Variants in MYBL2 observed in about 807,000 individuals in gnomAD.
The protein encoded by MYBL2 is myb-related protein B.
A neutral mutation model predicts 79.9 loss-of-function variants in MYBL2; 28 were observed. The observed-to-expected ratio is 0.35, with a 90% confidence interval of 0.26 to 0.48. The LOEUF (loss-of-function observed/expected upper bound fraction) is 0.48, where lower values mean the gene tolerates loss of function less well. Among genes scored for constraint, MYBL2 ranks in the 20% least tolerant of loss-of-function variants. The pLI, the probability that MYBL2 is intolerant of heterozygous loss-of-function variation, is 0.99. For missense variants in MYBL2, 735 were observed against 893.9 expected, an observed-to-expected ratio of 0.82 and a Z score of 2.27; for synonymous variants, 378 against 361.2, an observed-to-expected ratio of 1.05 and a Z score of -0.53.
At chr20:43,680,667 G>A (rs1369149326) in intron 2 of MYBL2, among the ~76,000 whole-genome samples, 1 of 151,708 alleles carries the variant, frequency 6.6e-6, no homozygotes, top group Non-Finnish European at 1.5e-5. Flanking sequence ...GCTAATTTTT[G>A]TATTTTTAAT....
In MYBL2 at chr20:43,707,768, TC is replaced by T. The variant is rs142681731; in HGVS notation, c.1506-2188del. ...GTGGTGTGGTATTTCTCTATTTTTT[TC>T]CCCCCCGGCTTTCATATCAGACTAA... On this transcript the variant is annotated intron_variant, in intron 9 of 13. Coordinates refer to ENST00000217026, the MANE Select transcript of MYBL2 (RefSeq NM_002466.4). 8.2e-3 allele frequency among the ~76,000 whole-genome samples: 1,242 copies of T among 151,930 alleles called. 16 individuals are homozygous for T. Among genetic ancestry groups the T allele is most frequent in the African/African-American group, 0.028 (1,157 of 41,404 alleles).
At chr20:43,684,752 G>C (rs73624571) in intron 4 of MYBL2, among the ~76,000 whole-genome samples, 4,563 of 151,154 alleles carry the variant, frequency 0.03, 95 homozygotes, top group Middle Eastern at 0.099. Flanking sequence ...TGGGAGGATT[G>C]CTTGAGCCCA....
intron 2 of MYBL2, among the ~76,000 whole-genome samples, chr20:43,674,197 G>C (rs1286260019): frequency 7.1e-6 from 1 of 139,952 alleles, no homozygotes; most frequent in Non-Finnish European, 1.5e-5. Context: ...CCTTTTGACT[G>C]CTAGGAGGTT....
chr20:43,692,654 C>T (rs948132915), intron 6 of MYBL2, among the ~76,000 whole-genome samples: 1 of 152,150 alleles, frequency 6.6e-6, no homozygotes, highest in Non-Finnish European at 1.5e-5. Context: ...TCAGAGGTGG[C>T]TGGGTGCGTT....
Position 43,692,255 on chromosome 20 carries a change from T to C in MYBL2, c.599T>C (p.Val200Ala), listed in dbSNP as rs759655424. 1.9e-6 allele frequency: 3 copies of C among 1,614,024 alleles called. No homozygotes were observed. Among genetic ancestry groups the C allele is most frequent in the Non-Finnish European group, 2.5e-6 (3 of 1,180,022 alleles). The change falls in exon 6 of 14, where the codon GTG (valine) becomes GCG (alanine). Residue 200 changes from valine (V) to alanine (A), a missense_variant. Around this residue, in one of 5 missense-constraint regions of MYBL2, gnomAD observed 144 missense variants for 131.9 expected, o/e 1.09. Coordinates refer to ENST00000217026, the MANE Select transcript of MYBL2 (RefSeq NM_002466.4). ...LSESKDCKPP[V>A]YLLLELEDKD... ...GAGTCCAAAGACTGCAAGCCCCCAG[T>C]GTACTTGCTGCTGGAGCTCGAGGAC...
At chr20:43,705,815 C>T (rs6031046) in intron 9 of MYBL2, among the ~76,000 whole-genome samples, 7 of 152,156 alleles carry the variant, frequency 4.6e-5, no homozygotes, top group Non-Finnish European at 5.9e-5. Flanking sequence ...ATTCTCCTGC[C>T]TCAGCCTCCC....
At chr20:43,679,142 G>C (rs1211072793) in intron 2 of MYBL2, among the ~76,000 whole-genome samples, 1 of 152,118 alleles carries the variant, frequency 6.6e-6, no homozygotes, top group East Asian at 1.9e-4. Flanking sequence ...GGCAGGGAGG[G>C]GACATGGTAT....
chr20:43,715,575 C>T (rs1349069907), intron 13 of MYBL2, among the ~76,000 whole-genome samples: 1 of 152,138 alleles, frequency 6.6e-6, no homozygotes, highest in Admixed American at 6.5e-5. Flanking sequence ...GCCTGGGTTT[C>T]ACTTGTAACT....
Position 43,676,047 on chromosome 20 carries a change from G to A in MYBL2, c.114+2148G>A, listed in dbSNP as rs189200975. 3.8e-3 allele frequency among the ~76,000 whole-genome samples: 575 copies of A among 151,940 alleles called. 4 individuals are homozygous for A. Among genetic ancestry groups the A allele is most frequent in the South Asian group, 0.011 (53 of 4,792 alleles). On this transcript the variant is annotated intron_variant, in intron 2 of 13. Transcript: ENST00000217026. ...AGCCTCTCAAGTAGCTGGGATTACA[G>A]GCACGTGCCACCACGCCTGGTAAAT...
Position 43,711,528 on chromosome 20 carries a change from T to A in MYBL2, c.1646T>A (p.Leu549Gln), listed in dbSNP as rs1191185246. 2.5e-6 allele frequency: 4 copies of A among 1,613,662 alleles called. No homozygotes were observed. The Admixed American group carries it at 6.7e-5, about 27-fold the overall frequency. ...CTGGAGGAGGACTTGAAGGAGGTGC[T>A]GCGTTCTGAGGCTGGCATCGAACTC... ...PHLEEDLKEV[L>Q]RSEAGIELII... The change falls in exon 11 of 14, where the codon CTG (leucine) becomes CAG (glutamine). Residue 549 changes from leucine to glutamine, a missense_variant. Physicochemically the swap from Leu to Gln is moderately radical, Grantham distance 113 (BLOSUM62 -2). Transcript: ENST00000217026.
At chr20:43,692,358 A>T in intron 6 of MYBL2, 39 bp downstream of exon 6, 2 of 1,610,500 alleles carry the variant, frequency 1.2e-6, no homozygotes, top group East Asian at 4.5e-5. Context: ...GTTTGATTTC[A>T]CATTCATCTG....
intron 11 of MYBL2, among the ~76,000 whole-genome samples, chr20:43,711,892 C>T (rs1219174185): frequency 1.3e-5 from 2 of 152,148 alleles, no homozygotes; most frequent in Non-Finnish European, 2.9e-5. Flanking sequence ...GCAGCAATTA[C>T]GACCCAGACT....
rs139456378 is a variant in MYBL2 at position 43,674,103 on chromosome 20, G to A, written c.114+204G>A. Among the ~76,000 whole-genome samples, 1,209 of 152,096 alleles carry A rather than the reference G, an allele frequency of 7.9e-3. 16 individuals carry two copies. Among genetic ancestry groups the A allele is most frequent in the African/African-American group, 0.027 (1,117 of 41,484 alleles). On this transcript the variant is annotated intron_variant, in intron 2 of 13. Transcript: ENST00000217026. ...TTGAGGACTCAGTGGGTGGGAAGGGGATGTGTGTCCTAGACCTCAGGGCCC... is the reference window on the plus strand; with the variant it reads ...TTGAGGACTCAGTGGGTGGGAAGGGAATGTGTGTCCTAGACCTCAGGGCCC...
intron 2 of MYBL2, among the ~76,000 whole-genome samples, chr20:43,677,050 G>GT (rs1284627575): frequency 2.6e-5 from 4 of 152,050 alleles, no homozygotes; most frequent in Non-Finnish European, 4.4e-5. Context: ...AGCTTGTTTT[G>GT]TTTTTTCTAA....
chr20:43,692,976 GTC>G (rs940650185), intron 6 of MYBL2, among the ~76,000 whole-genome samples: 1 of 151,960 alleles, frequency 6.6e-6, no homozygotes, highest in African/African-American at 2.4e-5. Context: ...TCTGTTTTCT[GTC>G]TCTATAATTT....
chr20:43,681,169 CTT>C (rs933447380), intron 2 of MYBL2, among the ~76,000 whole-genome samples: 2 of 152,260 alleles, frequency 1.3e-5, no homozygotes, highest in East Asian at 3.9e-4. Context: ...TCTAACTACT[CTT>C]GTTTTTGCCC....
At chr20:43,673,465 C>T (rs1197787479) in intron 1 of MYBL2, among the ~76,000 whole-genome samples, 3 of 151,524 alleles carry the variant, frequency 2.0e-5, no homozygotes, top group East Asian at 2.0e-4. Context: ...GGTGAGACCC[C>T]GTCTCTACAA....
intron 11 of MYBL2, among the ~76,000 whole-genome samples, chr20:43,712,605 T>C (rs1987932710): frequency 6.6e-6 from 1 of 152,166 alleles, no homozygotes; most frequent in Admixed American, 6.5e-5. Context: ...GGGCTTGTCC[T>C]GAGGGGTTTG....
At chr20:43,684,092 T>C (rs1321800935) in intron 4 of MYBL2, among the ~76,000 whole-genome samples, 1 of 152,014 alleles carries the variant, frequency 6.6e-6, no homozygotes, top group East Asian at 1.9e-4. Flanking sequence ...GTCTGGCTAA[T>C]CTTTTTGAAA....
Sources: gnomAD v4.1 joint callset for allele counts (sites outside exome capture counted in the v4.1 genomes callset) on GRCh38, gnomAD v4.1.1 for gene constraint, gnomAD v4.1.1 regional missense constraint, MANE v1.5 for transcripts, NCBI Gene and HGNC (gene_info 2026-07-23, HGNC 2026-07-21) for gene names.